Variants in FRMPD4 observed in about 807,000 individuals in gnomAD.
The protein encoded by FRMPD4 is FERM and PDZ domain containing 4, also known as FERM and PDZ domain-containing protein 4.
A neutral mutation model predicts 94.1 loss-of-function variants in FRMPD4; 22 were observed. That is an observed-to-expected ratio of 0.23 (90% CI 0.17 to 0.33). FRMPD4 has a LOEUF of 0.33. FRMPD4 is among the 10% of genes least tolerant of loss of function. The pLI is 1.00. For missense variants in FRMPD4, 1,111 were observed against 1,339.9 expected (o/e 0.83, Z 2.67); for synonymous variants, 631 against 548.6 (o/e 1.15, Z -2.10).
At chrX:12,026,987 A>G (rs1027413836) in intron 3 of FRMPD4, among the ~76,000 whole-genome samples, 1 of 111,834 alleles carries the variant, frequency 8.9e-6, no homozygotes, top group Non-Finnish European at 1.9e-5. Context: ...ACTCTCCCAT[A>G]TAGTATAGGA....
At chrX:12,454,235 A>G (rs1466417685) in intron 1 of FRMPD4, among the ~76,000 whole-genome samples, 1 of 112,246 alleles carries the variant, frequency 8.9e-6, no homozygotes, top group Non-Finnish European at 1.9e-5. Context: ...TTTTTCCTAA[A>G]ATTTCAATGA....
At position 12,481,950 on chromosome X, in the gene FRMPD4, A is replaced by AAAAATAAAAAAAAAT. The variant is rs2057689061; in HGVS notation, c.42-16726_42-16725insTAAAAAAAAATAAAA. ...AGAGCAAGACTACATCTCAAAAAAA[A>AAAAATAAAAAAAAAT]AAAAAAAAAAAAAAAAAAAAAGAAA... On this transcript the variant is annotated intron_variant, in intron 1 of 16. Coordinates refer to ENST00000675598, the MANE Select transcript of FRMPD4 (RefSeq NM_001368397.1). Among the ~76,000 whole-genome samples, 14 of 88,370 alleles carry AAAAATAAAAAAAAAT rather than the reference A, an allele frequency of 1.6e-4. 1 individual carries two copies. The highest frequency in any genetic ancestry group is 1.8e-4 in the Non-Finnish European group (8 of 44,184). The allele number at this position is 88,370 out of a possible 115,157, so 76.7% of individuals were successfully genotyped here.
At chrX:12,004,814 A>G (rs1461183911) in intron 3 of FRMPD4, among the ~76,000 whole-genome samples, 2 of 109,775 alleles carry the variant, frequency 1.8e-5, no homozygotes, top group African/African-American at 6.7e-5. Flanking sequence ...GGGCCAAGTA[A>G]TCCCCCATCC....
chrX:11,966,080 C>A (rs1420066653), intron 3 of FRMPD4, among the ~76,000 whole-genome samples: 2 of 111,702 alleles, frequency 1.8e-5, no homozygotes, highest in African/African-American at 6.5e-5. Flanking sequence ...AAAATATACA[C>A]CAAGTTGGAG....
intron 1 of FRMPD4, among the ~76,000 whole-genome samples, chrX:12,477,112 A>G (rs2057611283): frequency 8.9e-6 from 1 of 112,094 alleles, no homozygotes; most frequent in South Asian, 3.7e-4. Flanking sequence ...ACACCATGGA[A>G]TACTATGCAG....
At chrX:12,401,390 C>A (rs1448276433) in intron 1 of FRMPD4, among the ~76,000 whole-genome samples, 1 of 110,048 alleles carries the variant, frequency 9.1e-6, no homozygotes, top group Non-Finnish European at 1.9e-5. Flanking sequence ...TATCATTCTC[C>A]ATGCAGATGC....
In FRMPD4 at chrX:12,086,830, A is replaced by G. The variant is rs1223308725; in HGVS notation, c.95+208812A>G. On this transcript the variant is annotated intron_variant, in intron 3 of 18. Transcript: ENST00000640291. ...CTCAGCACCTCACATGGCTGCAGCG[A>G]AGGTGGTGTCTGGGCTGTGTTCCTT... Among the ~76,000 whole-genome samples the G allele has an allele frequency of 4.5e-5, 5 of 111,920 alleles. No individual in the cohort carries two copies. In the Admixed American group the frequency reaches 4.7e-4, roughly 11 times the overall value.
chrX:12,332,019 A>G (rs2055420633), intron 1 of FRMPD4, among the ~76,000 whole-genome samples: 1 of 66,352 alleles, frequency 1.5e-5, no homozygotes, highest in Non-Finnish European at 2.5e-5. Flanking sequence ...TATACTATAT[A>G]TAAATTATAT....
chrX:12,333,924 A>G (rs1461580465), intron 1 of FRMPD4, among the ~76,000 whole-genome samples: 3 of 112,271 alleles, frequency 2.7e-5, no homozygotes, highest in Non-Finnish European at 5.6e-5. Flanking sequence ...ATATAGGTGC[A>G]TCTTGTAGAG....
chrX:12,658,577 T>C (rs984099274), intron 4 of FRMPD4, among the ~76,000 whole-genome samples: 8 of 112,144 alleles, frequency 7.1e-5, no homozygotes, highest in African/African-American at 2.6e-4. Context: ...CATGGCTGGA[T>C]GGCCCATCAA....
chrX:12,353,891 T>C (rs1387183007), intron 1 of FRMPD4, among the ~76,000 whole-genome samples: 6 of 111,902 alleles, frequency 5.4e-5, no homozygotes, highest in Non-Finnish European at 1.1e-4. Context: ...GGTACAAGTT[T>C]CAACAGGATT....
chrX:12,001,404 C>T (rs2054523790), intron 3 of FRMPD4, among the ~76,000 whole-genome samples: 1 of 111,966 alleles, frequency 8.9e-6, no homozygotes, highest in African/African-American at 3.2e-5. Context: ...GAACCTTAAT[C>T]GAAAATATGA....
intron 2 of FRMPD4, among the ~76,000 whole-genome samples, chrX:12,607,893 C>T (rs2059146371): frequency 8.9e-6 from 1 of 112,251 alleles, no homozygotes; most frequent in African/African-American, 3.2e-5. Context: ...AAGGAAAGAT[C>T]TTAGGAGTTG....
chrX:12,005,190 T>C lies in FRMPD4; in HGVS notation c.95+127172T>C, dbSNP rs2054545532. 3.7e-5 allele frequency among the ~76,000 whole-genome samples: 4 copies of C among 109,115 alleles called. No individual in the cohort carries two copies. In the South Asian group the frequency reaches 1.6e-3, roughly 43 times the overall value. 94.8% of individuals were successfully genotyped at this position (109,115 alleles called of 115,157 possible). Reference sequence around the variant, plus strand: ...AAGTGGGGCTTCTCAAACTATAGAGTGCTTAAGAATCATCTGGAGAGCTGG... The same window carrying C: ...AAGTGGGGCTTCTCAAACTATAGAGCGCTTAAGAATCATCTGGAGAGCTGG... On this transcript the variant is annotated intron_variant, in intron 3 of 18. Transcript: ENST00000640291.
intron 4 of FRMPD4, among the ~76,000 whole-genome samples, chrX:12,638,043 G>A (rs893692290): frequency 9.0e-6 from 1 of 111,262 alleles, no homozygotes; most frequent in African/African-American, 3.3e-5. Context: ...TCTATTTTAT[G>A]GTCCATTCTT....
At position 12,381,951 on chromosome X, in the gene FRMPD4, G is replaced by T. The variant is rs907150400; in HGVS notation, c.42-116729G>T. 3.6e-5 allele frequency among the ~76,000 whole-genome samples: 4 copies of T among 111,073 alleles called. No individual in the cohort carries two copies. The Admixed American group carries it at 3.8e-4, about 11-fold the overall frequency. On this transcript the variant is annotated intron_variant, in intron 1 of 16. Transcript: ENST00000675598. ...ACAGGGGAGAGTGGACCAGGCTTGA[G>T]ACTTTCAGAGGAGGAGGAAAGACCA... is the stretch of plus-strand genomic sequence containing the variant.
At chrX:12,034,374 C>T (rs1436477251) in intron 3 of FRMPD4, among the ~76,000 whole-genome samples, 1 of 111,897 alleles carries the variant, frequency 8.9e-6, no homozygotes, top group African/African-American at 3.2e-5. Flanking sequence ...TTTCCTACCT[C>T]AAATGTCATT....
chrX:12,659,742 C>G (rs2059695762), intron 4 of FRMPD4, among the ~76,000 whole-genome samples: 1 of 112,536 alleles, frequency 8.9e-6, no homozygotes, highest in Admixed American at 9.4e-5. Flanking sequence ...AATAATTTAA[C>G]TATTACCTCA....
chrX:11,973,576 A>G (rs1041894416), intron 3 of FRMPD4, among the ~76,000 whole-genome samples: 40 of 112,318 alleles, frequency 3.6e-4, no homozygotes, highest in African/African-American at 1.3e-3. Context: ...TCTCAGGAGC[A>G]TATCTGGATA....
Sources: gnomAD v4.1 joint callset for allele counts (sites outside exome capture counted in the v4.1 genomes callset) on GRCh38, gnomAD v4.1.1 for gene constraint, MANE v1.5 for transcripts, NCBI Gene and HGNC (gene_info 2026-07-23, HGNC 2026-07-21) for gene names.